RHOQ: variants seen among roughly 807,000 people sequenced by gnomAD.
RHOQ encodes rho-related GTP-binding protein RhoQ.
RHOQ carries 7 observed loss-of-function variants against 25.8 expected under a neutral mutation model. The ratio of observed to expected loss-of-function variants is 0.27; its 90% CI spans 0.15 to 0.51. RHOQ has a LOEUF of 0.51. Ranked by LOEUF, RHOQ falls within the 20% of genes least tolerant of loss-of-function variation. The pLI, the probability that RHOQ is intolerant of heterozygous loss-of-function variation, is 0.97. For synonymous variants in RHOQ, 97 were observed against 98.6 expected (o/e 0.98, Z 0.10); for missense variants, 165 against 260.6 (o/e 0.63, Z 2.53).
chr2:46,548,812 T>A lies in RHOQ; in HGVS notation c.201+5000T>A, dbSNP rs1291224455. ...CCTTTTTAGAAGCTATTTATATCTC[T>A]AGCCCACACCGCATCACACGGGAAT... On this transcript the variant is annotated intron_variant, in intron 2 of 4. Coordinates refer to ENST00000238738, the MANE Select transcript of RHOQ (RefSeq NM_012249.4). This position sits in a 1 kb window ranked among gnomAD's most constrained non-coding sequence, Gnocchi z 5.2. Among the ~76,000 whole-genome samples the A allele has an allele frequency of 1.3e-5, 2 of 152,202 alleles. No individual in the cohort carries two copies. The highest frequency in any genetic ancestry group is 2.9e-5 in the Non-Finnish European group (2 of 68,028).
chr2:46,554,448 T>C (rs1166651886), intron 2 of RHOQ, among the ~76,000 whole-genome samples: 1 of 152,192 alleles, frequency 6.6e-6, no homozygotes, highest in Non-Finnish European at 1.5e-5. Context: ...CTCCCGCATA[T>C]TAAGGGGCTC....
At chr2:46,553,976 A>G (rs912927935) in intron 2 of RHOQ, among the ~76,000 whole-genome samples, 1 of 152,062 alleles carries the variant, frequency 6.6e-6, no homozygotes, top group Non-Finnish European at 1.5e-5. Context: ...CCCTATGTCC[A>G]TGAGTTCAAT....
chr2:46,565,644 G>A (rs1668708140), intron 2 of RHOQ, among the ~76,000 whole-genome samples: 1 of 152,220 alleles, frequency 6.6e-6, no homozygotes, highest in Non-Finnish European at 1.5e-5. Flanking sequence ...ACTTTCTCAA[G>A]CTTTGTAGCT....
rs1669510030 is a variant in RHOQ at position 46,584,681 on chromosome 2, A to G, written c.*3598A>G. 6.6e-6 allele frequency among the ~76,000 whole-genome samples: 1 copy of G among 152,200 alleles called. No individual in the cohort carries two copies. Among genetic ancestry groups the G allele is most frequent in the African/African-American group, 2.4e-5 (1 of 41,458 alleles). On this transcript the variant is annotated 3_prime_UTR_variant, in exon 5 of 5. Coordinates refer to ENST00000238738, the MANE Select transcript of RHOQ (RefSeq NM_012249.4). ...ATTAAAATGTGGACTGGCTTTGAAG[A>G]CTGTTAATGATGGGTCAGGCTTTGT...
intron 2 of RHOQ, among the ~76,000 whole-genome samples, chr2:46,572,560 C>G (rs566582007): frequency 3.1e-4 from 47 of 152,260 alleles, no homozygotes; most frequent in African/African-American, 1.0e-3. Flanking sequence ...CCATGCAGTC[C>G]AACAGCCATG....
intron 4 of RHOQ, chr2:46,580,262 A>T (rs1035057545): frequency 9.2e-5 from 14 of 152,366 alleles, no homozygotes; most frequent in African/African-American, 3.4e-4. Context: ...GTTCCCTCAA[A>T]GTTCTACCTG....
chr2:46,568,141 C>A (rs1282768426), intron 2 of RHOQ: 1 of 152,148 alleles, frequency 6.6e-6, no homozygotes, highest in Non-Finnish European at 1.5e-5. Flanking sequence ...GCAGCAGGAT[C>A]AGGTCCTAGA....
intron 2 of RHOQ, among the ~76,000 whole-genome samples, chr2:46,549,392 G>A (rs1205930503): frequency 2.0e-5 from 3 of 152,132 alleles, no homozygotes; most frequent in Non-Finnish European, 2.9e-5. Context: ...GCAGTTTGGG[G>A]TTTCAAGAGA....
intron 2 of RHOQ, among the ~76,000 whole-genome samples, chr2:46,547,413 A>T (rs945372724): frequency 1.3e-5 from 2 of 152,194 alleles, no homozygotes; most frequent in African/African-American, 4.8e-5. Flanking sequence ...GCTGCTTTCC[A>T]CTTGACCTCT....
At position 46,582,477 on chromosome 2, in the gene RHOQ, GCATATGC is replaced by G. The variant is rs1462906565; in HGVS notation, c.*1398_*1404del. On this transcript the variant is annotated 3_prime_UTR_variant, in exon 5 of 5. Coordinates refer to ENST00000238738, the MANE Select transcript of RHOQ (RefSeq NM_012249.4). ...TGGTCTGCTGTGGATCTGCCTTATT[GCATATGC>G]CATGCATCAGATAATGGATGCATCA... is the stretch of plus-strand genomic sequence containing the variant. 1 of 152,126 alleles carries G rather than the reference GCATATGC, an allele frequency of 6.6e-6. No individual in the cohort carries two copies. The highest frequency in any genetic ancestry group is 6.5e-5 in the Admixed American group (1 of 15,284). The allele number at this position is 152,126 out of a possible 1,614,324, so 9.4% of individuals were successfully genotyped here. A position where few individuals can be genotyped will look rare whatever the true frequency, so the allele number is the denominator to read the frequency against.
In RHOQ at chr2:46,543,178, C is replaced by T. The variant is rs1667888209; in HGVS notation, c.132C>T (p.Asp44=). The T allele has an allele frequency of 1.2e-6, 2 of 1,612,124 alleles. No individual in the cohort carries two copies. The highest frequency in any genetic ancestry group is 1.3e-5 in the African/African-American group (1 of 74,766). The change falls in exon 1 of 5, where the codon GAC becomes GAT. Residue 44 remains aspartate (D), a synonymous_variant. Coordinates refer to ENST00000238738, the MANE Select transcript of RHOQ (RefSeq NM_012249.4). ...FPEEYVPTVF[D]HYAVSVTVGG... is the part of the protein sequence containing the mutation. ...AGGAGTACGTGCCCACCGTCTTCGACCACTACGCAGGTAAGCCTCGGAACT... is the reference window on the plus strand; with the variant it reads ...AGGAGTACGTGCCCACCGTCTTCGATCACTACGCAGGTAAGCCTCGGAACT...
chr2:46,576,326 G>A lies in RHOQ; in HGVS notation c.366+75G>A. On this transcript the variant is annotated intron_variant, in intron 3 of 4. Coordinates refer to ENST00000238738, the MANE Select transcript of RHOQ (RefSeq NM_012249.4). The surrounding 1 kb of genome is among the most constrained non-coding windows in gnomAD (Gnocchi z 5.1). ...CGTAGAGGCTGCTCTCAGACAAACAGTCCCAAAGCTGAGCAAATGATGTAA... is the reference window on the plus strand; with the variant it reads ...CGTAGAGGCTGCTCTCAGACAAACAATCCCAAAGCTGAGCAAATGATGTAA... 7.9e-7 allele frequency: 1 copy of A among 1,264,302 alleles called. No homozygotes were observed. The highest frequency in any genetic ancestry group is 1.4e-5 in the South Asian group (1 of 70,538). The allele number at this position is 1,264,302 out of a possible 1,614,324, so 78.3% of individuals were successfully genotyped here. A position where few individuals can be genotyped will look rare whatever the true frequency, so the allele number is the denominator to read the frequency against.
chr2:46,551,228 A>G (rs1668232340), intron 2 of RHOQ, among the ~76,000 whole-genome samples: 1 of 152,230 alleles, frequency 6.6e-6, no homozygotes, highest in Non-Finnish European at 1.5e-5. Context: ...CTCAGCCCTC[A>G]GGGCAGCTGG....
intron 2 of RHOQ, among the ~76,000 whole-genome samples, chr2:46,560,170 A>G (rs1668530956): frequency 6.6e-6 from 1 of 152,208 alleles, no homozygotes; most frequent in Non-Finnish European, 1.5e-5. Flanking sequence ...TCTGCTGTGC[A>G]GTCCGGTGTT....
chr2:46,565,360 C>G (rs1668699636), intron 2 of RHOQ, among the ~76,000 whole-genome samples: 1 of 152,186 alleles, frequency 6.6e-6, no homozygotes, highest in African/African-American at 2.4e-5. Flanking sequence ...GCTGGATAGA[C>G]AGTCAACTGT....
rs1254441607 is a variant in RHOQ, at chr2:46,548,322, G to A, written c.201+4510G>A. Among the ~76,000 whole-genome samples, 2 of 152,214 alleles carry A rather than the reference G, an allele frequency of 1.3e-5. No homozygotes were observed. Among genetic ancestry groups the A allele is most frequent in the Non-Finnish European group, 2.9e-5 (2 of 68,046 alleles). ...TCCCCTACAGAAGGGAATCTCCACC[G>A]GAGGCAGGCTTGGCATGCCCCACCT... On this transcript the variant is annotated intron_variant, in intron 2 of 4. Coordinates refer to ENST00000238738, the MANE Select transcript of RHOQ (RefSeq NM_012249.4). The surrounding 1 kb of genome is among the most constrained non-coding windows in gnomAD (Gnocchi z 5.2).
chr2:46,573,145 C>T, intron 2 of RHOQ, among the ~76,000 whole-genome samples: 1 of 151,812 alleles, frequency 6.6e-6, no homozygotes, highest in Non-Finnish European at 1.5e-5. Context: ...CTCACTGCAG[C>T]CTCCACCTCC....
Position 46,546,221 on chromosome 2 carries a change from A to C in RHOQ, c.201+2409A>C, listed in dbSNP as rs574462472. Among the ~76,000 whole-genome samples the C allele has an allele frequency of 2.8e-4, 42 of 151,604 alleles. No homozygotes were observed. In the South Asian group the frequency reaches 8.4e-3, roughly 30 times the overall value. ...GCAAAGGAATGAATTTAAAATGGGG[A>C]TCTACCACAGCTGATGTCAGCAAAG... is the stretch of plus-strand genomic sequence containing the variant. On this transcript the variant is annotated intron_variant, in intron 2 of 4. Coordinates refer to ENST00000238738, the MANE Select transcript of RHOQ (RefSeq NM_012249.4).
rs534358533 is a variant in RHOQ, at chr2:46,555,414, G to T, written c.201+11602G>T. On this transcript the variant is annotated intron_variant, in intron 2 of 4. Transcript: ENST00000238738. The surrounding 1 kb of genome is among the most constrained non-coding windows in gnomAD (Gnocchi z 4.3). ...GGGGGCCCCAGTAGGAACTAGGTGTGTGTTAAATTTAGGGGAGTCTGGTGG... is the reference window on the plus strand; with the variant it reads ...GGGGGCCCCAGTAGGAACTAGGTGTTTGTTAAATTTAGGGGAGTCTGGTGG... Among the ~76,000 whole-genome samples, 1 of 152,338 alleles carries T rather than the reference G, an allele frequency of 6.6e-6. No homozygotes were observed. The highest frequency in any genetic ancestry group is 2.4e-5 in the African/African-American group (1 of 41,578).
Sources: allele counts gnomAD v4.1 joint callset (sites outside exome capture counted in the v4.1 genomes callset), GRCh38; gene constraint gnomAD v4.1.1; non-coding constraint Gnocchi (gnomAD v3.1); transcripts MANE v1.5; gene names NCBI Gene and HGNC (gene_info 2026-07-23, HGNC 2026-07-21).